TPST1: variants seen among roughly 807,000 people sequenced by gnomAD.
TPST1 encodes the protein tyrosylprotein sulfotransferase 1, also known as protein-tyrosine sulfotransferase 1.
Under a neutral mutation model 34.8 loss-of-function variants are expected in TPST1, and 20 were observed. That is an observed-to-expected ratio of 0.57 (90% CI 0.40 to 0.84). TPST1 has a LOEUF of 0.84. Ranked by LOEUF, TPST1 falls within the 40% of genes least tolerant of loss-of-function variation. The pLI is 0.00. For missense variants in TPST1, 353 were observed against 455.5 expected (o/e 0.78, Z 2.05); for synonymous variants, 152 against 159.4 (o/e 0.95, Z 0.35).
intron 2 of TPST1, among the ~76,000 whole-genome samples, chr7:66,264,695 A>G (rs1790556534): frequency 6.6e-6 from 1 of 152,212 alleles, no homozygotes; most frequent in African/African-American, 2.4e-5. Context: ...AGGGGAGAGA[A>G]TCTGATTCCC....
intron 3 of TPST1, 108 bp downstream of exon 3, chr7:66,286,817 A>ATTTATTTTTATTTTTTTT (rs1791047628): frequency 1.6e-6 from 1 of 640,368 alleles, no homozygotes; most frequent in Non-Finnish European, 2.1e-6. Flanking sequence ...AGAAAAATAT[A>ATTTATTTTTATTTTTTTT]TTTTTTTTTT....
chr7:66,263,315 C>A (rs900745194), intron 2 of TPST1, among the ~76,000 whole-genome samples: 1 of 152,118 alleles, frequency 6.6e-6, no homozygotes, highest in South Asian at 2.1e-4. Flanking sequence ...ATTGCTTGTG[C>A]ACAAAGCCAA....
chr7:66,262,353 T>C (rs1790504614), intron 2 of TPST1, among the ~76,000 whole-genome samples: 1 of 152,168 alleles, frequency 6.6e-6, no homozygotes, highest in Admixed American at 6.5e-5. Context: ...TCATTGGGCA[T>C]ACAGAAAATT....
intron 1 of TPST1, among the ~76,000 whole-genome samples, chr7:66,235,306 T>C (rs1290299667): frequency 6.6e-6 from 1 of 151,566 alleles, no homozygotes; most frequent in East Asian, 2.0e-4. Flanking sequence ...TTCTCCTGCA[T>C]AGACATTTTA....
intron 1 of TPST1, among the ~76,000 whole-genome samples, chr7:66,208,567 T>C (rs1445615790): frequency 6.6e-6 from 1 of 152,080 alleles, no homozygotes; most frequent in African/African-American, 2.4e-5. Context: ...CTCCAGGGTT[T>C]GAGTGATTCT....
intron 2 of TPST1, among the ~76,000 whole-genome samples, chr7:66,281,718 T>C (rs1474622627): frequency 6.6e-6 from 1 of 152,214 alleles, no homozygotes; most frequent in East Asian, 1.9e-4. Context: ...TTTTTGCATA[T>C]CTGTTCCATC....
chr7:66,307,365 G>A (rs1298509302), intron 3 of TPST1, among the ~76,000 whole-genome samples: 3 of 149,704 alleles, frequency 2.0e-5, no homozygotes, highest in Non-Finnish European at 4.5e-5. Context: ...TGATCCGCCC[G>A]CCTCGGCCTC....
intron 2 of TPST1, among the ~76,000 whole-genome samples, chr7:66,249,907 A>G (rs1790227510): frequency 6.6e-6 from 1 of 152,184 alleles, no homozygotes; most frequent in Non-Finnish European, 1.5e-5. Context: ...AGATCTCTCC[A>G]AGGCCCCCCT....
chr7:66,230,542 C>T (rs943036994), intron 1 of TPST1, among the ~76,000 whole-genome samples: 3 of 152,038 alleles, frequency 2.0e-5, no homozygotes, highest in African/African-American at 4.8e-5. Flanking sequence ...AGTGTTACAG[C>T]TCTTAAGGCA....
intron 5 of TPST1, 61 bp downstream of exon 5, chr7:66,356,932 T>C (rs1382737704): frequency 9.5e-6 from 15 of 1,571,282 alleles, no homozygotes; most frequent in East Asian, 2.2e-5. Context: ...TGCAGGGGGC[T>C]GGGTGGCCAA....
intron 2 of TPST1, among the ~76,000 whole-genome samples, chr7:66,272,542 C>G (rs1191726463): frequency 1.3e-5 from 2 of 151,168 alleles, no homozygotes; most frequent in African/African-American, 4.9e-5. Flanking sequence ...AAAGCTTTTC[C>G]TGCAAGATCA....
intron 3 of TPST1, among the ~76,000 whole-genome samples, chr7:66,300,524 G>A (rs1349054421): frequency 6.6e-6 from 1 of 152,134 alleles, no homozygotes; most frequent in Non-Finnish European, 1.5e-5. Context: ...CATGAATTAC[G>A]AATGTTCTTA....
intron 2 of TPST1, among the ~76,000 whole-genome samples, chr7:66,256,501 A>G (rs1180340378): frequency 6.6e-6 from 1 of 152,216 alleles, no homozygotes; most frequent in African/African-American, 2.4e-5. Context: ...GGCAAGATTC[A>G]GTTCCTTCTC....
chr7:66,266,518 A>T (rs543474671), intron 2 of TPST1, among the ~76,000 whole-genome samples: 14 of 152,374 alleles, frequency 9.2e-5, no homozygotes, highest in African/African-American at 3.4e-4. Context: ...ACTCCTACAT[A>T]TATTCACAAC....
intron 3 of TPST1, among the ~76,000 whole-genome samples, chr7:66,303,769 A>G (rs981992552): frequency 6.6e-6 from 1 of 152,188 alleles, no homozygotes; most frequent in Non-Finnish European, 1.5e-5. Flanking sequence ...CAAAGATATC[A>G]TTTGCATTTT....
chr7:66,312,040 T>A (rs1791542187), intron 3 of TPST1, among the ~76,000 whole-genome samples: 1 of 152,268 alleles, frequency 6.6e-6, no homozygotes, highest in South Asian at 2.1e-4. Context: ...TACTTGTACT[T>A]ACCAGATTAA....
chr7:66,299,846 T>C (rs1353651629), intron 3 of TPST1, among the ~76,000 whole-genome samples: 1 of 152,212 alleles, frequency 6.6e-6, no homozygotes, highest in African/African-American at 2.4e-5. Context: ...CCCTGTTGAC[T>C]TTGTTTCTTT....
At chr7:66,292,633 G>A (rs201684576) in intron 3 of TPST1, among the ~76,000 whole-genome samples, 23 of 121,088 alleles carry the variant, frequency 1.9e-4, no homozygotes, top group South Asian at 2.7e-4. Context: ...AGGTGCGTCC[G>A]TCACCCCTTT....
intron 3 of TPST1, among the ~76,000 whole-genome samples, chr7:66,301,478 C>T (rs1251495412): frequency 6.6e-6 from 1 of 152,244 alleles, no homozygotes; most frequent in East Asian, 1.9e-4. Flanking sequence ...AGAGGCCTGG[C>T]TTTCAGCTTA....
Sources: gnomAD v4.1 joint callset for allele counts (sites outside exome capture counted in the v4.1 genomes callset) on GRCh38, gnomAD v4.1.1 for gene constraint, MANE v1.5 for transcripts, NCBI Gene and HGNC (gene_info 2026-07-23, HGNC 2026-07-21) for gene names.